The following ELP1 variants were observed in gnomAD, a reference collection of about 807,000 sequenced individuals.
ELP1 encodes elongator acetyltransferase complex subunit 1, also known as elongator complex protein 1.
ELP1 carries 131 observed loss-of-function variants against 183.2 expected under a neutral mutation model. The observed-to-expected ratio is 0.72, with a 90% CI of 0.62 to 0.83. The LOEUF (loss-of-function observed/expected upper bound fraction) is 0.83. Among genes scored for constraint, ELP1 ranks in the 40% least tolerant of loss-of-function variants. ELP1 has a pLI of 0.00. For synonymous variants in ELP1, 555 were observed against 569.0 expected (o/e 0.98, Z 0.35); for missense variants, 1,550 against 1,594.9 (o/e 0.97, Z 0.48).
intron 25 of ELP1, among the ~76,000 whole-genome samples, chr9:108,896,067 C>T (rs866842041): frequency 4.6e-5 from 7 of 152,244 alleles, no homozygotes; most frequent in African/African-American, 1.2e-4. Context: ...ACCATCCTGG[C>T]TAACACAGTG....
chr9:108,900,385 C>T lies in ELP1; in HGVS notation c.2015-10G>A, dbSNP rs144329047. On this transcript the variant is annotated splice_polypyrimidine_tract_variant and intron_variant, in intron 18 of 36. Coordinates refer to ENST00000374647, the MANE Select transcript of ELP1 (RefSeq NM_003640.5). ...AGGCCGGCCTGTAATGCTAAACACA[C>T]CATTAACTAATAAGCCTTAATTATC... 15 of 1,586,716 alleles carry T rather than the reference C, an allele frequency of 9.5e-6. No individual in the cohort carries two copies. In the African/African-American group the frequency reaches 1.6e-4, roughly 17 times the overall value.
chr9:108,908,147 C>T (rs1829086291), intron 13 of ELP1, among the ~76,000 whole-genome samples, 158 bp downstream of exon 13: 1 of 152,232 alleles, frequency 6.6e-6, no homozygotes, highest in Non-Finnish European at 1.5e-5. Flanking sequence ...AACTACATGA[C>T]TGGCTTCTCC....
At position 108,878,136 on chromosome 9, in the gene ELP1, A is replaced by G. The variant is rs749975442; in HGVS notation, c.3714T>C (p.His1238=). Residue 1238 remains histidine, a synonymous_variant, in exon 35 of 37, where the codon CAT becomes CAC. Transcript: ENST00000374647. ...CAAAGAGAAAGAGTACCTTTAAAAT[A>G]TGGTATACTTCATCTAGAGAGAAGA... The part of the protein sequence containing the change: ...NTENLKDEVY[H]ILKVLFLFEF... 1.2e-6 allele frequency: 2 copies of G among 1,608,382 alleles called. No individual in the cohort carries two copies. Among genetic ancestry groups the G allele is most frequent in the Admixed American group, 3.3e-5 (2 of 60,024 alleles).
chr9:108,921,025 A>G (rs1262817071), intron 6 of ELP1, among the ~76,000 whole-genome samples: 1 of 152,162 alleles, frequency 6.6e-6, no homozygotes, highest in African/African-American at 2.4e-5. Flanking sequence ...ATTCCTTTAA[A>G]GTACTATTTT....
chr9:108,872,272 A>G (rs1827485085), intron 36 of ELP1, among the ~76,000 whole-genome samples: 1 of 152,230 alleles, frequency 6.6e-6, no homozygotes, highest in African/African-American at 2.4e-5. Flanking sequence ...CTCACTCACC[A>G]CAATAGCAAC....
intron 29 of ELP1, among the ~76,000 whole-genome samples, chr9:108,888,263 C>CA (rs1828202056): frequency 6.6e-6 from 1 of 152,116 alleles, no homozygotes; most frequent in South Asian, 2.1e-4. Context: ...AGGCTGACTG[C>CA]AAAAGGGGAA....
intron 5 of ELP1, among the ~76,000 whole-genome samples, chr9:108,924,588 T>C (rs1482513424): frequency 6.6e-6 from 1 of 152,088 alleles, no homozygotes; most frequent in Admixed American, 6.5e-5. Context: ...TGCCCCAGAG[T>C]TCCACCCTGG....
chr9:108,879,580 C>T lies in ELP1; in HGVS notation c.3461-23G>A, dbSNP rs745495035. ...CATCTAGAAAAGAAGAACCAGAAGC[C>T]GATGAAAACACTGCCTGCTAATGTG... On this transcript the variant is annotated intron_variant, in intron 32 of 36. Coordinates refer to ENST00000374647, the MANE Select transcript of ELP1 (RefSeq NM_003640.5). The T allele has an allele frequency of 1.2e-5, 18 of 1,543,706 alleles. No homozygotes were observed. The South Asian group carries it at 1.2e-4, about 11-fold the overall frequency.
At chr9:108,895,090 A>T (rs4341230) in intron 25 of ELP1, among the ~76,000 whole-genome samples, 3 of 152,014 alleles carry the variant, frequency 2.0e-5, no homozygotes, top group Non-Finnish European at 4.4e-5. Flanking sequence ...CAACAAAAAA[A>T]ATTCAAAACT....
chr9:108,883,513 T>G (rs923399808), intron 29 of ELP1, among the ~76,000 whole-genome samples: 1 of 151,820 alleles, frequency 6.6e-6, no homozygotes. Context: ...TTGATCCACT[T>G]TGAGTGGCCA....
Position 108,916,264 on chromosome 9 carries a change from C to A in ELP1, c.898G>T (p.Val300Leu), listed in dbSNP as rs548158784. The change falls in exon 10 of 37, where the codon GTG becomes TTG. Residue 300 changes from valine (V) to leucine (L), a missense_variant. By Grantham distance (32) the Val-to-Leu change is conservative. Coordinates refer to ENST00000374647, the MANE Select transcript of ELP1 (RefSeq NM_003640.5). The part of the protein sequence containing the change: ...NDLLWNADSS[V>L]LAVWLEDLQR... ...AGGTCTTCCAGCCAGACTGCAAGCA[C>A]AGAGGAATCTGCATTCCAGAGCAAG... 6.2e-7 allele frequency: 1 copy of A among 1,614,148 alleles called. No homozygotes were observed. The highest frequency in any genetic ancestry group is 1.3e-5 in the African/African-American group (1 of 75,050).
rs1828156266 is a variant in ELP1, at chr9:108,887,152, T to G, written c.3222+2180A>C. On this transcript the variant is annotated intron_variant, in intron 29 of 36. Transcript: ENST00000374647. The stretch of plus-strand genomic sequence containing the variant: ...TGAGCCTAGGAGGTCAAGGTTGTAG[T>G]GAGCTGAGATCACACCACTGCACTC... Among the ~76,000 whole-genome samples, 2 of 152,070 alleles carry G rather than the reference T, an allele frequency of 1.3e-5. 1 individual carries two copies. The highest frequency in any genetic ancestry group is 4.1e-4 in the South Asian group (2 of 4,822).
chr9:108,930,475 G>T (rs1410393591), intron 2 of ELP1, among the ~76,000 whole-genome samples: 4 of 152,100 alleles, frequency 2.6e-5, no homozygotes, highest in African/African-American at 9.7e-5. Flanking sequence ...CGGATCACGA[G>T]GTCAGGAGAT....
At chr9:108,933,725 G>A (rs1830077514) in intron 1 of ELP1, 139 bp downstream of exon 1, 1 of 152,476 alleles carries the variant, frequency 6.6e-6, no homozygotes, top group Non-Finnish European at 1.5e-5. Flanking sequence ...AAGAATTTAA[G>A]GCTCTAGGAA....
intron 31 of ELP1, among the ~76,000 whole-genome samples, chr9:108,881,361 G>A (rs1827923929): frequency 6.6e-6 from 1 of 151,992 alleles, no homozygotes; most frequent in South Asian, 2.1e-4. Flanking sequence ...AGAATAATAG[G>A]ATATTATCTT....
chr9:108,904,171 T>C (rs1828930067), intron 14 of ELP1, among the ~76,000 whole-genome samples: 2 of 152,156 alleles, frequency 1.3e-5, no homozygotes, highest in African/African-American at 4.8e-5. Context: ...GGATTTTCAC[T>C]AATGAGATGA....
Position 108,929,867 on chromosome 9 carries a change from C to G in ELP1, c.205G>C (p.Gly69Arg). 1.2e-6 allele frequency: 2 copies of G among 1,613,950 alleles called. No homozygotes were observed. The highest frequency in any genetic ancestry group is 1.7e-6 in the Non-Finnish European group (2 of 1,180,028). The stretch of plus-strand genomic sequence containing the variant: ...AAGTCCTGAACACCAACAATGCGGC[C>G]ACTTCCATCCTCTGGGAGAAAGCCT... The part of the protein sequence containing the change: ...AEGFLPEDGS[G>R]RIVGVQDLLD... The change falls in exon 3 of 37, where the codon GGC becomes CGC. Residue 69 changes from glycine to arginine, a missense_variant. Gly to Arg is a moderately radical substitution (Grantham distance 125). Transcript: ENST00000374647.
At chr9:108,896,716 CA>C in intron 24 of ELP1, 72 bp from the exon 25 acceptor site, 3 of 1,423,602 alleles carry the variant, frequency 2.1e-6, no homozygotes, top group South Asian at 1.2e-5. Flanking sequence ...ACAACATAAC[CA>C]AAAAGACAAT....
intron 31 of ELP1, among the ~76,000 whole-genome samples, chr9:108,880,582 G>A (rs117611443): frequency 0.018 from 2,717 of 152,244 alleles, 32 homozygotes; most frequent in Non-Finnish European, 0.027. Flanking sequence ...TGGAAAAAAT[G>A]TATCTAATAA....
Sources: gnomAD v4.1 joint callset for allele counts (sites outside exome capture counted in the v4.1 genomes callset) on GRCh38, gnomAD v4.1.1 for gene constraint, MANE v1.5 for transcripts, NCBI Gene and HGNC (gene_info 2026-07-23, HGNC 2026-07-21) for gene names.